Variants in BCR observed in about 807,000 individuals in gnomAD.
BCR encodes breakpoint cluster region protein.
In BCR, 58 loss-of-function variants were observed where a neutral mutation model predicts 138.6. That is an observed-to-expected ratio of 0.42 (90% CI 0.34 to 0.52). BCR has a LOEUF of 0.52. Among genes scored for constraint, BCR ranks in the 20% least tolerant of loss-of-function variants. The pLI is 0.06. For synonymous variants in BCR, 786 were observed against 730.1 expected (o/e 1.08, Z -1.23); for missense variants, 1,599 against 1,727.2 (o/e 0.93, Z 1.32).
chr22:23,275,331 C>T (rs1439248088), intron 8 of BCR, among the ~76,000 whole-genome samples: 1 of 152,256 alleles, frequency 6.6e-6, no homozygotes, highest in Non-Finnish European at 1.5e-5. Flanking sequence ...TGGCCTAGAG[C>T]TTCTCCCAAC....
At chr22:23,209,733 C>T (rs150562496) in intron 1 of BCR, among the ~76,000 whole-genome samples, 10,243 of 151,846 alleles carry the variant, frequency 0.067, 1,151 homozygotes, top group African/African-American at 0.23. Flanking sequence ...TCAGTAGAAA[C>T]GGGGTTTCAC....
rs1163718868 is a variant in BCR, at chr22:23,295,100, T to A, written c.2957T>A (p.Ile986Asn). Residue 986 changes from isoleucine (I) to asparagine (N), a missense_variant, in exon 16 of 23, where the codon ATC (isoleucine) becomes AAC (asparagine). Ile to Asn is a moderately radical substitution (Grantham distance 149). This residue lies in a region of BCR where 590 missense variants were observed against 762.4 expected (regional missense o/e 0.77). Coordinates refer to ENST00000305877, the MANE Select transcript of BCR (RefSeq NM_004327.4). Reference protein sequence around the residue: ...CYEKCYNKTKIPKEDGESTDR... With the variant: ...CYEKCYNKTKNPKEDGESTDR... ...GAAAAGTGTTACAACAAGACGAAGA[T>A]CCCCAAGGAGGACGGCGAGAGCACG... 1 of 1,614,008 alleles carries A rather than the reference T, an allele frequency of 6.2e-7. No individual in the cohort carries two copies. Among genetic ancestry groups the A allele is most frequent in the South Asian group, 1.1e-5 (1 of 91,078 alleles).
At chr22:23,241,586 T>G (rs1270868324) in intron 1 of BCR, among the ~76,000 whole-genome samples, 3 of 152,076 alleles carry the variant, frequency 2.0e-5, no homozygotes, top group Non-Finnish European at 4.4e-5. Flanking sequence ...TCCCAGGGAC[T>G]TTTCTGGTCA....
chr22:23,211,832 C>T (rs941911865), intron 1 of BCR, among the ~76,000 whole-genome samples: 19 of 152,264 alleles, frequency 1.2e-4, no homozygotes, highest in African/African-American at 3.9e-4. Context: ...CACATCTCAC[C>T]CTCCAGGGGT....
chr22:23,190,370 G>C (rs2072398647), intron 1 of BCR, among the ~76,000 whole-genome samples: 1 of 152,234 alleles, frequency 6.6e-6, no homozygotes, highest in South Asian at 2.1e-4. Context: ...GTTTCACCAT[G>C]TTAGCCAGCC....
intron 4 of BCR, among the ~76,000 whole-genome samples, chr22:23,265,404 G>GCT (rs1568962936): frequency 6.6e-6 from 1 of 152,160 alleles, no homozygotes; most frequent in Non-Finnish European, 1.5e-5. Context: ...GCCCAGCATC[G>GCT]CTCTGTCAGG....
At chr22:23,265,937 A>AACAATTAC (rs1214245128) in intron 4 of BCR, among the ~76,000 whole-genome samples, 1 of 152,246 alleles carries the variant, frequency 6.6e-6, no homozygotes, top group East Asian at 1.9e-4. Context: ...CCCCCAAGTT[A>AACAATTAC]ACAATTACAT....
chr22:23,287,417 A>G, intron 11 of BCR, 139 bp downstream of exon 11: 1 of 1,336,364 alleles, frequency 7.5e-7, no homozygotes, highest in South Asian at 1.5e-5. Context: ...AAGCACGCAC[A>G]TTCCTTTGTC....
intron 20 of BCR, among the ~76,000 whole-genome samples, chr22:23,313,426 G>A (rs1470169920): frequency 6.6e-6 from 1 of 152,252 alleles, no homozygotes; most frequent in African/African-American, 2.4e-5. Flanking sequence ...TAGAGTGGGT[G>A]CTGGTGTGTG....
In BCR at chr22:23,203,076, T is replaced by C. The variant is rs183093184; in HGVS notation, c.1279+20837T>C. 1.5e-4 allele frequency among the ~76,000 whole-genome samples: 23 copies of C among 151,892 alleles called. No homozygotes were observed. In the Middle Eastern group the frequency reaches 0.01, roughly 67 times the overall value. ...GGTCTTGCTGTGTTGCCCAGGCTGG[T>C]CTTAAACTCCTGGGCTCAAATGATC... On this transcript the variant is annotated intron_variant, in intron 1 of 22. Coordinates refer to ENST00000305877, the MANE Select transcript of BCR (RefSeq NM_004327.4).
Position 23,181,289 on chromosome 22 carries a change from C to T in BCR, c.329C>T (p.Ala110Val). 11 of 1,307,192 alleles carry T rather than the reference C, an allele frequency of 8.4e-6. 1 individual carries two copies. In the East Asian group the frequency reaches 2.9e-4, roughly 34 times the overall value. The allele number at this position is 1,307,192 out of a possible 1,614,324, so 81.0% of individuals were successfully genotyped here. Residue 110 changes from alanine (A) to valine (V), a missense_variant, in exon 1 of 23, where the codon GCC (alanine) becomes GTC (valine). Ala to Val is a moderately conservative substitution (Grantham distance 64). Around this residue, in one of 4 missense-constraint regions of BCR, gnomAD observed 806 missense variants for 635.0 expected, o/e 1.27. Coordinates refer to ENST00000305877, the MANE Select transcript of BCR (RefSeq NM_004327.4). ...APADGADPPPAEEPEARPDGE... is the reference protein window; with the variant it reads ...APADGADPPPVEEPEARPDGE... The stretch of plus-strand genomic sequence containing the variant: ...GCCGACGGAGCCGACCCGCCGCCCG[C>T]CGAGGAGCCCGAGGCCCGGCCCGAC...
intron 4 of BCR, chr22:23,263,476 A>G (rs2073397402): frequency 2.6e-6 from 4 of 1,533,680 alleles, no homozygotes; most frequent in Admixed American, 1.7e-5. Flanking sequence ...AGATGCAGTC[A>G]GATGCCCTGG....
intron 15 of BCR, among the ~76,000 whole-genome samples, chr22:23,294,093 C>T (rs1027545511): frequency 1.3e-5 from 2 of 152,082 alleles, no homozygotes; most frequent in African/African-American, 4.8e-5. Flanking sequence ...TTTTAAAGAG[C>T]GGTTTTAGGT....
At chr22:23,233,895 G>A (rs1258830348) in intron 1 of BCR, among the ~76,000 whole-genome samples, 2 of 151,984 alleles carry the variant, frequency 1.3e-5, no homozygotes, top group African/African-American at 4.8e-5. Flanking sequence ...CAGATATTCA[G>A]CCAGGGACAA....
intron 1 of BCR, among the ~76,000 whole-genome samples, chr22:23,212,017 G>A (rs1199953017): frequency 6.6e-6 from 1 of 152,070 alleles, no homozygotes; most frequent in African/African-American, 2.4e-5. Context: ...GGTCCTGCCA[G>A]CCCTACCCTC....
intron 1 of BCR, among the ~76,000 whole-genome samples, chr22:23,222,268 TG>T (rs2072833591): frequency 1.3e-5 from 2 of 152,134 alleles, no homozygotes; most frequent in Admixed American, 6.5e-5. Context: ...GCTTGCAGAG[TG>T]AACAGGTGAC....
intron 2 of BCR, among the ~76,000 whole-genome samples, chr22:23,255,990 G>A: frequency 6.6e-6 from 1 of 152,258 alleles, no homozygotes; most frequent in South Asian, 2.1e-4. Flanking sequence ...TCTTCCCAGT[G>A]GTTGGGGCCC....
intron 1 of BCR, among the ~76,000 whole-genome samples, chr22:23,222,729 C>T (rs1313926061): frequency 2.0e-5 from 3 of 152,160 alleles, no homozygotes; most frequent in Non-Finnish European, 4.4e-5. Flanking sequence ...GAGCCCAAGC[C>T]TTCCTCCCTC....
At chr22:23,199,316 G>A (rs1010891614) in intron 1 of BCR, 5 of 518,568 alleles carry the variant, frequency 9.6e-6, no homozygotes, top group South Asian at 2.8e-5. Flanking sequence ...ACTGGGTCCC[G>A]CCATGCCTGT....
Sources: allele counts gnomAD v4.1 joint callset (sites outside exome capture counted in the v4.1 genomes callset), GRCh38; gene constraint gnomAD v4.1.1; regional missense constraint gnomAD v4.1.1; transcripts MANE v1.5; gene names NCBI Gene and HGNC (gene_info 2026-07-23, HGNC 2026-07-21).